The following PTPRD variants were observed in gnomAD, a reference collection of about 807,000 sequenced individuals.
PTPRD encodes the protein protein tyrosine phosphatase receptor type D.
A neutral mutation model predicts 214.5 loss-of-function variants in PTPRD; 34 were observed. That is an observed-to-expected ratio of 0.16 (90% CI 0.12 to 0.21). The LOEUF is 0.21. Among genes scored for constraint, PTPRD ranks in the 10% least tolerant of loss-of-function variants. The pLI, the probability that PTPRD is intolerant of heterozygous loss-of-function variation, is 1.00. For missense variants in PTPRD, 2,545 were observed against 2,398.7 expected, an observed-to-expected ratio of 1.06 and a Z score of -1.27; for synonymous variants, 1,128 against 845.7, an observed-to-expected ratio of 1.33 and a Z score of -5.79.
intron 4 of PTPRD, among the ~76,000 whole-genome samples, chr9:9,986,843 A>T (rs141713862): frequency 1.2e-3 from 181 of 152,246 alleles, no homozygotes; most frequent in Non-Finnish European, 1.9e-3. Flanking sequence ...TACAATGGGC[A>T]TATAGTTAAC....
intron 3 of PTPRD, among the ~76,000 whole-genome samples, chr9:10,173,835 C>T (rs1328875911): frequency 6.6e-6 from 1 of 151,522 alleles, no homozygotes; most frequent in Non-Finnish European, 1.5e-5. Flanking sequence ...AATAACAAGC[C>T]TTGAGCCTTG....
chr9:9,366,964 T>A (rs1292593843), intron 9 of PTPRD, among the ~76,000 whole-genome samples: 1 of 151,152 alleles, frequency 6.6e-6, no homozygotes, highest in East Asian at 1.9e-4. Context: ...ATGAAAAAAA[T>A]TACAAAATGT....
At chr9:9,411,719 C>T (rs1253217098) in intron 8 of PTPRD, among the ~76,000 whole-genome samples, 2 of 152,212 alleles carry the variant, frequency 1.3e-5, no homozygotes, top group African/African-American at 2.4e-5. Flanking sequence ...GAATGCCTGC[C>T]TGTTAACTGA....
At chr9:8,679,220 C>T (rs2097501351) in intron 12 of PTPRD, among the ~76,000 whole-genome samples, 1 of 152,176 alleles carries the variant, frequency 6.6e-6, no homozygotes, top group Non-Finnish European at 1.5e-5. Flanking sequence ...TAGCATCATC[C>T]CACAACTTCA....
chr9:9,868,340 C>G (rs1388427588), intron 5 of PTPRD, among the ~76,000 whole-genome samples: 1 of 151,990 alleles, frequency 6.6e-6, no homozygotes, highest in Middle Eastern at 3.2e-3. Context: ...AAATTAAATA[C>G]AGTCCAAAAT....
chr9:10,123,199 T>G (rs190639105), intron 3 of PTPRD, among the ~76,000 whole-genome samples: 23 of 152,350 alleles, frequency 1.5e-4, no homozygotes, highest in African/African-American at 5.0e-4. Flanking sequence ...CACAGTGAAT[T>G]GAAGCTACAT....
intron 39 of PTPRD, among the ~76,000 whole-genome samples, chr9:8,367,199 T>C (rs2080150756): frequency 6.6e-6 from 1 of 152,052 alleles, no homozygotes; most frequent in Admixed American, 6.6e-5. Context: ...TCTCCAAATA[T>C]TTAAAATAAG....
chr9:9,671,038 C>T (rs1239198362), intron 7 of PTPRD, among the ~76,000 whole-genome samples: 1 of 152,122 alleles, frequency 6.6e-6, no homozygotes, highest in African/African-American at 2.4e-5. Context: ...CAACAGCTTG[C>T]ACCATTCACC....
intron 27 of PTPRD, among the ~76,000 whole-genome samples, chr9:8,490,659 A>G (rs2097131514): frequency 6.6e-6 from 1 of 152,224 alleles, no homozygotes. Context: ...GAGGATTAAC[A>G]AAGAAAATAC....
At chr9:8,780,688 C>T (rs1167670177) in intron 11 of PTPRD, among the ~76,000 whole-genome samples, 2 of 152,150 alleles carry the variant, frequency 1.3e-5, no homozygotes, top group Non-Finnish European at 2.9e-5. Flanking sequence ...GAATCTACCT[C>T]ATGTGAACAT....
chr9:8,651,464 G>A (rs1238986647), intron 12 of PTPRD, among the ~76,000 whole-genome samples: 8 of 152,140 alleles, frequency 5.3e-5, no homozygotes, highest in African/African-American at 1.4e-4. Flanking sequence ...GCTAGGGTAC[G>A]ATTCCTTGGT....
intron 10 of PTPRD, among the ~76,000 whole-genome samples, chr9:9,082,139 C>T (rs1024265375): frequency 1.3e-5 from 2 of 152,050 alleles, no homozygotes; most frequent in African/African-American, 4.8e-5. Context: ...GATACCAAAA[C>T]CTGGCAGAGA....
chr9:8,882,238 G>C (rs1587285790), intron 11 of PTPRD, among the ~76,000 whole-genome samples: 1 of 152,070 alleles, frequency 6.6e-6, no homozygotes, highest in Admixed American at 6.6e-5. Flanking sequence ...ATTTCTCCTG[G>C]ATTAGATTTA....
chr9:9,102,445 A>T (rs1043519613), intron 10 of PTPRD, among the ~76,000 whole-genome samples: 6 of 152,192 alleles, frequency 3.9e-5, no homozygotes, highest in Non-Finnish European at 1.5e-5. Context: ...AGTCATCCAA[A>T]GATAACTGCC....
At chr9:9,911,036 C>G (rs978810117) in intron 5 of PTPRD, among the ~76,000 whole-genome samples, 24 of 151,972 alleles carry the variant, frequency 1.6e-4, no homozygotes, top group Admixed American at 1.3e-4. Context: ...TAACTCCTTA[C>G]AGTTGATAGT....
intron 11 of PTPRD, among the ~76,000 whole-genome samples, chr9:8,897,214 T>C (rs1302501515): frequency 6.6e-6 from 1 of 152,164 alleles, no homozygotes; most frequent in African/African-American, 2.4e-5. Context: ...GAAGGGAATA[T>C]CGAACAAGCG....
chr9:8,921,714 G>A (rs35841018), intron 11 of PTPRD, among the ~76,000 whole-genome samples: 21 of 151,886 alleles, frequency 1.4e-4, no homozygotes, highest in East Asian at 7.8e-4. Flanking sequence ...GGCTAGTCTC[G>A]AACTCCCGAC....
At chr9:8,566,954 A>G (rs2089483812) in intron 14 of PTPRD, among the ~76,000 whole-genome samples, 1 of 152,052 alleles carries the variant, frequency 6.6e-6, no homozygotes, top group Non-Finnish European at 1.5e-5. Context: ...TTTTCTTATC[A>G]CCTGAAATAC....
At chr9:10,194,032 A>C (rs1358549815) in intron 3 of PTPRD, among the ~76,000 whole-genome samples, 1 of 151,992 alleles carries the variant, frequency 6.6e-6, no homozygotes, top group African/African-American at 2.4e-5. Context: ...TCTTTCTCCA[A>C]AGTACTTCTA....
Sources: gnomAD v4.1 joint callset for allele counts (sites outside exome capture counted in the v4.1 genomes callset) on GRCh38, gnomAD v4.1.1 for gene constraint, MANE v1.5 for transcripts, NCBI Gene and HGNC (gene_info 2026-07-23, HGNC 2026-07-21) for gene names.